SLC24A2: variants seen among roughly 807,000 people sequenced by gnomAD.
The protein encoded by SLC24A2 is solute carrier family 24 member 2.
A neutral mutation model predicts 62.0 loss-of-function variants in SLC24A2; 36 were observed. That is an observed-to-expected ratio of 0.58 (90% CI 0.44 to 0.77). The LOEUF is 0.77. SLC24A2 is among the 30% of genes least tolerant of loss of function. The probability of loss-of-function intolerance (pLI) is 0.00; values close to 1 mark genes in which losing one functional copy is unlikely to be tolerated. For synonymous variants in SLC24A2, 358 were observed against 294.0 expected (o/e 1.22, Z -2.23); for missense variants, 846 against 817.9 (o/e 1.03, Z -0.42).
intron 2 of SLC24A2, among the ~76,000 whole-genome samples, chr9:19,750,401 T>C (rs569903870): frequency 1.1e-4 from 17 of 152,110 alleles, no homozygotes; most frequent in African/African-American, 3.4e-4. Context: ...CAACTACAGA[T>C]AGCATGCGAA....
chr9:20,240,771 G>A, the SLC24A2 span, among the ~76,000 whole-genome samples: 1 of 152,218 alleles, frequency 6.6e-6, no homozygotes, highest in Non-Finnish European at 1.5e-5. Flanking sequence ...AAAATTCCAG[G>A]AAGAGGGCTT....
the SLC24A2 span, among the ~76,000 whole-genome samples, chr9:20,059,657 A>G: frequency 6.6e-6 from 1 of 152,146 alleles, no homozygotes; most frequent in Admixed American, 6.5e-5. Context: ...CAGTGCTCAG[A>G]GTTAAATTTA....
chr9:19,842,758 T>C, the SLC24A2 span, among the ~76,000 whole-genome samples: 10 of 152,356 alleles, frequency 6.6e-5, no homozygotes, highest in African/African-American at 2.2e-4. Context: ...TGTGCTTTTA[T>C]CTATTCTACA....
the SLC24A2 span, among the ~76,000 whole-genome samples, chr9:20,094,068 T>A: frequency 6.6e-6 from 1 of 152,218 alleles, no homozygotes; most frequent in Non-Finnish European, 1.5e-5. Context: ...GGTTATTTTC[T>A]TTTAAGGTGT....
chr9:19,799,690 G>C, the SLC24A2 span, among the ~76,000 whole-genome samples: 823 of 152,268 alleles, frequency 5.4e-3, 8 homozygotes, highest in African/African-American at 0.019. Flanking sequence ...AGCATGGCTC[G>C]TAATGAAGTC....
intron 2 of SLC24A2, among the ~76,000 whole-genome samples, chr9:19,746,902 T>C (rs546369151): frequency 6.6e-6 from 1 of 152,174 alleles, no homozygotes; most frequent in Non-Finnish European, 1.5e-5. Context: ...TATTTCAGAA[T>C]GTAATTCCAA....
At chr9:19,626,370 G>A (rs1818036547) in intron 2 of SLC24A2, among the ~76,000 whole-genome samples, 1 of 152,154 alleles carries the variant, frequency 6.6e-6, no homozygotes, top group East Asian at 1.9e-4. Flanking sequence ...ATATCAAATG[G>A]GTCACCATGA....
At chr9:20,117,670 A>T in the SLC24A2 span, among the ~76,000 whole-genome samples, 1 of 152,160 alleles carries the variant, frequency 6.6e-6, no homozygotes, top group African/African-American at 2.4e-5. Flanking sequence ...TAGCTTGTAC[A>T]AGGTCATATA....
chr9:20,211,724 C>A, the SLC24A2 span, among the ~76,000 whole-genome samples: 1 of 151,912 alleles, frequency 6.6e-6, no homozygotes, highest in Non-Finnish European at 1.5e-5. Flanking sequence ...AACTAAACCC[C>A]CAATTTATAT....
At chr9:19,544,621 C>G (rs985903086) in intron 8 of SLC24A2, among the ~76,000 whole-genome samples, 2 of 152,184 alleles carry the variant, frequency 1.3e-5, no homozygotes, top group East Asian at 3.9e-4. Context: ...GTAAGGCAGG[C>G]CTGGTGGTGA....
intron 2 of SLC24A2, among the ~76,000 whole-genome samples, chr9:19,661,939 T>G (rs984771432): frequency 1.3e-5 from 2 of 152,188 alleles, no homozygotes; most frequent in African/African-American, 4.8e-5. Flanking sequence ...AAATAGACAT[T>G]GCACATTCCA....
At chr9:19,875,485 T>A in the SLC24A2 span, among the ~76,000 whole-genome samples, 1 of 152,178 alleles carries the variant, frequency 6.6e-6, no homozygotes, top group Non-Finnish European at 1.5e-5. Context: ...TCTTTGTTCA[T>A]CAAAGCATCA....
the SLC24A2 span, among the ~76,000 whole-genome samples, chr9:20,120,854 G>C: frequency 1.3e-5 from 2 of 151,644 alleles, no homozygotes; most frequent in South Asian, 2.1e-4. Flanking sequence ...TTATCCAATT[G>C]ACCCAGATCC....
chr9:19,625,763 T>G (rs1453342663), intron 2 of SLC24A2, among the ~76,000 whole-genome samples: 2 of 151,438 alleles, frequency 1.3e-5, no homozygotes, highest in South Asian at 4.2e-4. Flanking sequence ...CTCAGCTCAC[T>G]GCAACCTCTG....
chr9:20,017,601 G>T, the SLC24A2 span, among the ~76,000 whole-genome samples: 1 of 152,132 alleles, frequency 6.6e-6, no homozygotes, highest in East Asian at 1.9e-4. Context: ...GAGGAGCAAG[G>T]AAGCCAGTGC....
At chr9:19,572,017 C>T (rs573939492) in intron 7 of SLC24A2, among the ~76,000 whole-genome samples, 1 of 152,172 alleles carries the variant, frequency 6.6e-6, no homozygotes, top group Admixed American at 6.5e-5. Flanking sequence ...CGCCTATAAT[C>T]CCAGCACTTT....
At chr9:20,272,520 G>A in the SLC24A2 span, among the ~76,000 whole-genome samples, 1 of 152,270 alleles carries the variant, frequency 6.6e-6, no homozygotes, top group East Asian at 1.9e-4. Flanking sequence ...AAGACCCTAT[G>A]CTTCTCTGAA....
the SLC24A2 span, among the ~76,000 whole-genome samples, chr9:19,823,351 A>G: frequency 6.6e-6 from 1 of 151,542 alleles, no homozygotes; most frequent in East Asian, 1.9e-4. Context: ...ATAATTTTGA[A>G]CCCTTTAAGA....
the SLC24A2 span, among the ~76,000 whole-genome samples, chr9:20,011,895 C>G: frequency 6.6e-6 from 1 of 152,024 alleles, no homozygotes; most frequent in Non-Finnish European, 1.5e-5. Flanking sequence ...CATATGCAAA[C>G]CAGCAAATGT....
Sources: allele counts gnomAD v4.1 joint callset (sites outside exome capture counted in the v4.1 genomes callset), GRCh38; gene constraint gnomAD v4.1.1; transcripts MANE v1.5; gene names NCBI Gene and HGNC (gene_info 2026-07-23, HGNC 2026-07-21).